The following EPB41L4A variants were observed in gnomAD, a reference collection of about 807,000 sequenced individuals.
EPB41L4A encodes erythrocyte membrane protein band 4.1 like 4A.
Under a neutral mutation model 108.6 loss-of-function variants are expected in EPB41L4A, and 100 were observed. The observed-to-expected ratio is 0.92, with a 90% confidence interval of 0.78 to 1.09. The LOEUF (loss-of-function observed/expected upper bound fraction) is 1.09. EPB41L4A is among the 50% of genes least tolerant of loss of function. The probability of loss-of-function intolerance (pLI) is 0.00; values close to 1 mark genes in which losing one functional copy is unlikely to be tolerated. For synonymous variants in EPB41L4A, 319 were observed against 289.0 expected, an observed-to-expected ratio of 1.10 and a Z score of -1.05; for missense variants, 1,030 against 842.7, an observed-to-expected ratio of 1.22 and a Z score of -2.75.
intron 1 of EPB41L4A, among the ~76,000 whole-genome samples, chr5:112,326,983 G>A (rs562795037): frequency 2.3e-4 from 35 of 152,166 alleles, no homozygotes; most frequent in Non-Finnish European, 4.7e-4. Flanking sequence ...TAACCCTCAC[G>A]ACTATACTAG....
intron 1 of EPB41L4A, among the ~76,000 whole-genome samples, chr5:112,389,002 A>G (rs925124898): frequency 3.3e-5 from 5 of 152,180 alleles, no homozygotes; most frequent in African/African-American, 1.2e-4. Context: ...TTCTTAAATT[A>G]ATTTAATGAG....
chr5:112,286,509 C>T (rs1283769348), intron 2 of EPB41L4A, among the ~76,000 whole-genome samples: 1 of 152,200 alleles, frequency 6.6e-6, no homozygotes, highest in Non-Finnish European at 1.5e-5. Context: ...TCCTCACTCT[C>T]AGCTGAAGAT....
At chr5:112,393,433 C>G (rs1561638146) in intron 1 of EPB41L4A, among the ~76,000 whole-genome samples, 1 of 152,116 alleles carries the variant, frequency 6.6e-6, no homozygotes, top group Admixed American at 6.6e-5. Flanking sequence ...CATAGAAATA[C>G]AAACTACCAT....
At chr5:112,336,127 G>A (rs371840554) in intron 1 of EPB41L4A, among the ~76,000 whole-genome samples, 1 of 152,188 alleles carries the variant, frequency 6.6e-6, no homozygotes, top group Admixed American at 6.5e-5. Flanking sequence ...AAGAAAGAGG[G>A]AAACACAAGT....
chr5:112,299,448 T>C (rs909416860), intron 2 of EPB41L4A, among the ~76,000 whole-genome samples: 3 of 152,196 alleles, frequency 2.0e-5, no homozygotes, highest in African/African-American at 4.8e-5. Context: ...TTGTGGCCTA[T>C]CATATGGTCT....
intron 1 of EPB41L4A, among the ~76,000 whole-genome samples, chr5:112,387,470 C>CA (rs1056888511): frequency 1.7e-4 from 25 of 151,064 alleles, no homozygotes; most frequent in East Asian, 3.9e-4. Flanking sequence ...ACTAAAAATA[C>CA]AAAAAAAAAT....
chr5:112,374,714 C>T (rs1759701773), intron 1 of EPB41L4A, among the ~76,000 whole-genome samples: 1 of 152,150 alleles, frequency 6.6e-6, no homozygotes. Flanking sequence ...AAAGTGCATG[C>T]AAATTTTACA....
intron 1 of EPB41L4A, among the ~76,000 whole-genome samples, chr5:112,412,482 G>T (rs550065650): frequency 3.7e-4 from 57 of 152,272 alleles, no homozygotes; most frequent in Non-Finnish European, 7.2e-4. Context: ...GAGGACACAG[G>T]AATGCAATCA....
intron 14 of EPB41L4A, 33 bp from the exon 15 acceptor site, chr5:112,204,521 C>G (rs1436688014): frequency 7.0e-7 from 1 of 1,428,730 alleles, no homozygotes; most frequent in East Asian, 2.3e-5. Context: ...AAAAAGAGCC[C>G]AGAGAGTTCC....
chr5:112,217,014 C>T (rs570320850), intron 12 of EPB41L4A, among the ~76,000 whole-genome samples: 4 of 152,062 alleles, frequency 2.6e-5, no homozygotes, highest in African/African-American at 4.8e-5. Context: ...CTCAGCCACC[C>T]ACTCACTGCA....
intron 1 of EPB41L4A, among the ~76,000 whole-genome samples, chr5:112,364,732 T>G (rs1759017140): frequency 6.6e-6 from 1 of 152,250 alleles, no homozygotes; most frequent in Non-Finnish European, 1.5e-5. Flanking sequence ...AGCCTTTAAG[T>G]GCTTTTGTGT....
intron 20 of EPB41L4A, 67 bp from the exon 21 acceptor site, chr5:112,169,172 T>A: frequency 8.8e-7 from 1 of 1,132,958 alleles, no homozygotes; most frequent in Non-Finnish European, 1.3e-6. Flanking sequence ...TAGGAGTTCT[T>A]AATATTGAAA....
chr5:112,228,801 G>A (rs1448986965), intron 12 of EPB41L4A: 9 of 951,472 alleles, frequency 9.5e-6, no homozygotes, highest in East Asian at 1.2e-4. Context: ...AAGCTCCTCT[G>A]AGGCAGTTTA....
chr5:112,165,319 AAGTT>A (rs1030353092), intron 22 of EPB41L4A, among the ~76,000 whole-genome samples: 4 of 152,190 alleles, frequency 2.6e-5, no homozygotes, highest in East Asian at 1.9e-4. Context: ...TTAATATACA[AAGTT>A]AGTCTGACAT....
At chr5:112,401,313 A>G (rs1761734983) in intron 1 of EPB41L4A, among the ~76,000 whole-genome samples, 1 of 152,226 alleles carries the variant, frequency 6.6e-6, no homozygotes, top group South Asian at 2.1e-4. Context: ...TATCCTAATC[A>G]TCAAACACTT....
chr5:112,287,650 GC>G (rs1269388790), intron 2 of EPB41L4A, among the ~76,000 whole-genome samples: 1 of 152,116 alleles, frequency 6.6e-6, no homozygotes, highest in Non-Finnish European at 1.5e-5. Context: ...CCATGATCTG[GC>G]CCCACTCCCT....
chr5:112,238,207 C>A (rs1749496205), intron 11 of EPB41L4A, among the ~76,000 whole-genome samples: 1 of 152,144 alleles, frequency 6.6e-6, no homozygotes, highest in South Asian at 2.1e-4. Context: ...TATGCCACAA[C>A]TGGAAGAACA....
chr5:112,375,313 T>TCTCTCG (rs1554106191), intron 1 of EPB41L4A, among the ~76,000 whole-genome samples: 18 of 148,492 alleles, frequency 1.2e-4, no homozygotes, highest in African/African-American at 4.4e-4. Flanking sequence ...GGTCAGTCTC[T>TCTCTCG]CTCTCTCTCG....
rs61738838 is a variant in EPB41L4A, at chr5:112,264,995, G to A, written c.455C>T (p.Pro152Leu). The change falls in exon 6 of 23, where the codon CCA becomes CTA. Residue 152 changes from proline (P) to leucine (L), a missense_variant. Pro to Leu is a moderately conservative substitution (Grantham distance 98). Transcript: ENST00000261486. ...AIQSELGDYD[P>L]YKHTAGYVSE... ...TACATATCCTGCAGTATGTTTATAT[G>A]GGTCATAATCTCCAAGCTCCGCTAA... The A allele has an allele frequency of 1.1e-3, 1,765 of 1,602,420 alleles. 20 individuals are homozygous for A. In the African/African-American group the frequency reaches 0.021, roughly 19 times the overall value.
Sources: gnomAD v4.1 joint callset for allele counts (sites outside exome capture counted in the v4.1 genomes callset) on GRCh38, gnomAD v4.1.1 for gene constraint, MANE v1.5 for transcripts, NCBI Gene and HGNC (gene_info 2026-07-23, HGNC 2026-07-21) for gene names.